GRM5: variants seen among roughly 807,000 people sequenced by gnomAD.
GRM5 encodes the protein metabotropic glutamate receptor 5.
Under a neutral mutation model 83.1 loss-of-function variants are expected in GRM5, and 19 were observed. The observed-to-expected ratio is 0.23, with a 90% CI of 0.16 to 0.34. The LOEUF (loss-of-function observed/expected upper bound fraction) is 0.34. Ranked by LOEUF, GRM5 falls within the 10% of genes least tolerant of loss-of-function variation. The probability of loss-of-function intolerance (pLI) is 1.00; values close to 1 mark genes in which losing one functional copy is unlikely to be tolerated. For missense variants in GRM5, 1,160 were observed against 1,588.3 expected (o/e 0.73, Z 4.58); for synonymous variants, 675 against 633.6 (o/e 1.07, Z -0.98).
At chr11:88,681,077 C>A (rs1367709908) in intron 3 of GRM5, among the ~76,000 whole-genome samples, 1 of 151,250 alleles carries the variant, frequency 6.6e-6, no homozygotes, top group South Asian at 2.1e-4. Context: ...CCCTTCAAGA[C>A]ACATGTATGG....
intron 2 of GRM5, among the ~76,000 whole-genome samples, chr11:88,856,655 G>A (rs1387940289): frequency 6.6e-6 from 1 of 152,066 alleles, no homozygotes; most frequent in Non-Finnish European, 1.5e-5. Flanking sequence ...ATGATGTCCT[G>A]TATATAATTG....
chr11:88,685,582 C>G (rs553858084), intron 3 of GRM5, among the ~76,000 whole-genome samples: 1 of 152,324 alleles, frequency 6.6e-6, no homozygotes, highest in East Asian at 1.9e-4. Flanking sequence ...ATCTTCATGG[C>G]AGGCCCTCCC....
intron 2 of GRM5, among the ~76,000 whole-genome samples, chr11:88,960,259 G>C (rs929248938): frequency 6.6e-6 from 1 of 152,060 alleles, no homozygotes; most frequent in African/African-American, 2.4e-5. Flanking sequence ...TGACTGGAAG[G>C]CTGTAAAAAG....
rs1941175823 is a variant in GRM5, at chr11:88,506,085, C to T, written c.*2507G>A. 6.6e-6 allele frequency: 1 copy of T among 152,120 alleles called. No homozygotes were observed. Among genetic ancestry groups the T allele is most frequent in the Non-Finnish European group, 1.5e-5 (1 of 68,002 alleles). The allele number at this position is 152,120 out of a possible 1,614,324, so 9.4% of individuals were successfully genotyped here. A position where few individuals can be genotyped will look rare whatever the true frequency, so the allele number is the denominator to read the frequency against. ...TATAGAAATACAGAGAAAAATATAT[C>T]TTGTCCTTTTCTAATTGGATAAATC... On this transcript the variant is annotated 3_prime_UTR_variant, in exon 10 of 10. Coordinates refer to ENST00000305447, the MANE Select transcript of GRM5 (RefSeq NM_001143831.3).
intron 2 of GRM5, among the ~76,000 whole-genome samples, chr11:88,868,374 T>C (rs548493971): frequency 1.1e-4 from 17 of 151,966 alleles, no homozygotes; most frequent in African/African-American, 3.6e-4. Context: ...TAAGTCTTTT[T>C]TTTCTCATCT....
At chr11:89,002,740 C>T (rs1940419214) in intron 2 of GRM5, among the ~76,000 whole-genome samples, 2 of 152,060 alleles carry the variant, frequency 1.3e-5, no homozygotes, top group Admixed American at 1.3e-4. Context: ...GAACCTCATC[C>T]TTCCGTTCAA....
At chr11:88,615,862 C>T (rs1591384354) in intron 4 of GRM5, among the ~76,000 whole-genome samples, 1 of 152,094 alleles carries the variant, frequency 6.6e-6, no homozygotes, top group African/African-American at 2.4e-5. Flanking sequence ...TCTATCTTCA[C>T]TCCCTCCATA....
At chr11:88,809,945 T>C (rs1424274815) in intron 3 of GRM5, among the ~76,000 whole-genome samples, 3 of 152,024 alleles carry the variant, frequency 2.0e-5, no homozygotes, top group African/African-American at 7.2e-5. Context: ...AACCTGATAT[T>C]TGAATTTAAT....
intron 2 of GRM5, among the ~76,000 whole-genome samples, chr11:88,902,650 A>G (rs1945330437): frequency 6.6e-6 from 1 of 152,066 alleles, no homozygotes; most frequent in Admixed American, 6.6e-5. Flanking sequence ...AGAAAAATAA[A>G]TATGTGTGAA....
intron 2 of GRM5, among the ~76,000 whole-genome samples, chr11:88,866,403 G>A (rs1488130943): frequency 6.6e-6 from 1 of 152,002 alleles, no homozygotes; most frequent in Non-Finnish European, 1.5e-5. Context: ...GGGCCTGTCA[G>A]GGGATTGGGG....
chr11:88,599,033 CTTA>C (rs1428605807), intron 5 of GRM5, among the ~76,000 whole-genome samples: 1 of 152,154 alleles, frequency 6.6e-6, no homozygotes, highest in East Asian at 1.9e-4. Context: ...TTCCTTCTTC[CTTA>C]TTAGACTGCT....
At chr11:88,783,823 T>C (rs1943018618) in intron 3 of GRM5, among the ~76,000 whole-genome samples, 1 of 152,018 alleles carries the variant, frequency 6.6e-6, no homozygotes, top group Non-Finnish European at 1.5e-5. Context: ...AAATACCTAC[T>C]TTTCAGGGTT....
At position 88,533,906 on chromosome 11, in the gene GRM5, C is replaced by G. The variant is rs1191081665; in HGVS notation, c.2631-8502G>C. On this transcript the variant is annotated intron_variant, in intron 8 of 9. Coordinates refer to ENST00000305447, the MANE Select transcript of GRM5 (RefSeq NM_001143831.3). ...CAGCCAGGGACTTGGTGCCCTGCAT[C>G]CCAGCCACTCTAGTTATGGCTGAAA... 2.0e-5 allele frequency among the ~76,000 whole-genome samples: 3 copies of G among 152,022 alleles called. No individual in the cohort carries two copies. The East Asian group carries it at 5.8e-4, about 29-fold the overall frequency.
chr11:88,882,807 C>T (rs1039067268), intron 2 of GRM5, among the ~76,000 whole-genome samples: 5 of 151,944 alleles, frequency 3.3e-5, no homozygotes, highest in African/African-American at 1.2e-4. Context: ...AAATTGTAGC[C>T]CAAATAATTC....
At chr11:88,786,544 T>C (rs1374976512) in intron 3 of GRM5, among the ~76,000 whole-genome samples, 1 of 152,146 alleles carries the variant, frequency 6.6e-6, no homozygotes, top group Non-Finnish European at 1.5e-5. Context: ...ACTTGCGCAA[T>C]GTGTGGAACA....
At chr11:88,977,595 T>G (rs1184357894) in intron 2 of GRM5, among the ~76,000 whole-genome samples, 2 of 152,234 alleles carry the variant, frequency 1.3e-5, no homozygotes, top group Non-Finnish European at 2.9e-5. Context: ...CTATCAGCTA[T>G]GAAGGTCTTA....
At chr11:88,910,350 A>G (rs536750729) in intron 2 of GRM5, among the ~76,000 whole-genome samples, 15 of 152,174 alleles carry the variant, frequency 9.9e-5, no homozygotes, top group African/African-American at 3.4e-4. Flanking sequence ...TTTGGCTATC[A>G]TAAGTAATGT....
intron 3 of GRM5, among the ~76,000 whole-genome samples, chr11:88,714,682 C>G (rs949510901): frequency 5.9e-5 from 9 of 151,866 alleles, no homozygotes; most frequent in Non-Finnish European, 8.8e-5. Flanking sequence ...CTTAAACACA[C>G]TTGTGAAGGA....
At chr11:88,708,316 C>T (rs1455640733) in intron 3 of GRM5, among the ~76,000 whole-genome samples, 1 of 152,020 alleles carries the variant, frequency 6.6e-6, no homozygotes, top group Admixed American at 6.6e-5. Context: ...ATCTAAAAGG[C>T]TGAATGAAAC....
Sources: gnomAD v4.1 joint callset for allele counts (sites outside exome capture counted in the v4.1 genomes callset) on GRCh38, gnomAD v4.1.1 for gene constraint, MANE v1.5 for transcripts, NCBI Gene and HGNC (gene_info 2026-07-23, HGNC 2026-07-21) for gene names.